The following AKT3 variants were observed in gnomAD, a reference collection of about 807,000 sequenced individuals.
The protein encoded by AKT3 is RAC-gamma serine/threonine-protein kinase.
Under a neutral mutation model 65.3 loss-of-function variants are expected in AKT3, and 15 were observed. The ratio of observed to expected loss-of-function variants is 0.23; its 90% CI spans 0.15 to 0.35. AKT3 has a LOEUF of 0.35. AKT3 is among the 10% of genes least tolerant of loss of function. The pLI is 1.00. For synonymous variants in AKT3, 206 were observed against 183.8 expected (o/e 1.12, Z -0.98); for missense variants, 243 against 576.5 (o/e 0.42, Z 5.92).
At chr1:243,842,349 C>G (rs562618683) in intron 2 of AKT3, among the ~76,000 whole-genome samples, 1 of 152,144 alleles carries the variant, frequency 6.6e-6, no homozygotes, top group African/African-American at 2.4e-5. Flanking sequence ...TCATCCTACT[C>G]GACGTGGCCA....
intron 2 of AKT3, among the ~76,000 whole-genome samples, chr1:243,718,794 A>G (rs1318036933): frequency 6.6e-6 from 1 of 152,168 alleles, no homozygotes. Flanking sequence ...TATGAAGAGT[A>G]AATGCTAGCA....
chr1:243,664,622 T>C (rs980376474), intron 4 of AKT3, 150 bp downstream of exon 4: 1 of 285,314 alleles, frequency 3.5e-6, no homozygotes, highest in African/African-American at 2.2e-5. Context: ...GCCACTGTTA[T>C]TCATGTATTA....
chr1:243,726,427 G>A (rs1687214041), intron 2 of AKT3, among the ~76,000 whole-genome samples: 1 of 152,150 alleles, frequency 6.6e-6, no homozygotes, highest in Non-Finnish European at 1.5e-5. Context: ...CCTATAAAGT[G>A]AACTCAATTA....
chr1:243,779,133 TAAC>T (rs1310162137), intron 2 of AKT3, among the ~76,000 whole-genome samples: 2 of 152,148 alleles, frequency 1.3e-5, no homozygotes, highest in Non-Finnish European at 2.9e-5. Flanking sequence ...AGAAAAATGT[TAAC>T]AAACTTTTTG....
At chr1:243,713,659 C>T (rs911607036) in intron 2 of AKT3, among the ~76,000 whole-genome samples, 1 of 150,836 alleles carries the variant, frequency 6.6e-6, no homozygotes, top group Non-Finnish European at 1.5e-5. Flanking sequence ...CATCCTACCC[C>T]CCTAAACAGA....
intron 5 of AKT3, among the ~76,000 whole-genome samples, chr1:243,644,337 A>G (rs1331093682): frequency 6.6e-6 from 1 of 152,158 alleles, no homozygotes; most frequent in African/African-American, 2.4e-5. Context: ...AAATTCTTGA[A>G]AAAACCAGTA....
chr1:243,696,056 A>C (rs1288391349), intron 2 of AKT3, among the ~76,000 whole-genome samples: 2 of 151,874 alleles, frequency 1.3e-5, no homozygotes, highest in South Asian at 4.2e-4. Context: ...AGCCTTGGTA[A>C]ATCATCCACA....
rs190191398 is a variant in AKT3 at position 243,595,498 on chromosome 1, T to A, written c.696+18173A>T. On this transcript the variant is annotated intron_variant, in intron 8 of 13. Coordinates refer to ENST00000673466, the MANE Select transcript of AKT3 (RefSeq NM_005465.7). ...TATAACTTTTTCACTTTATACACTT[T>A]AAAATTTTTAAAAACGCCTTGACTC... is the stretch of plus-strand genomic sequence containing the variant. Among the ~76,000 whole-genome samples, 276 of 152,326 alleles carry A rather than the reference T, an allele frequency of 1.8e-3. 1 individual carries two copies. The highest frequency in any genetic ancestry group is 2.5e-3 in the Non-Finnish European group (172 of 68,024).
intron 2 of AKT3, among the ~76,000 whole-genome samples, chr1:243,823,338 G>A (rs994207771): frequency 2.6e-5 from 4 of 152,122 alleles, no homozygotes; most frequent in Admixed American, 6.5e-5. Context: ...GGCAAAAGCT[G>A]GAAACATTTC....
intron 2 of AKT3, among the ~76,000 whole-genome samples, chr1:243,723,276 C>T (rs537992735): frequency 6.6e-6 from 1 of 152,226 alleles, no homozygotes; most frequent in South Asian, 2.1e-4. Flanking sequence ...CTGAATTCAT[C>T]ACTATTCATA....
rs566252992 is a variant in AKT3 at position 243,837,932 on chromosome 1, G to C, written c.46+5193C>G. 2.6e-5 allele frequency among the ~76,000 whole-genome samples: 4 copies of C among 152,264 alleles called. No individual in the cohort carries two copies. The South Asian group carries it at 8.3e-4, about 32-fold the overall frequency. On this transcript the variant is annotated intron_variant, in intron 2 of 13. Transcript: ENST00000673466. ...AAATCAGAGGCATAAAGATTGGAAA[G>C]GAAAAAGCAGAACTGTGGATGTTCG...
chr1:243,721,197 G>C (rs1052678985), intron 2 of AKT3, among the ~76,000 whole-genome samples: 1 of 152,130 alleles, frequency 6.6e-6, no homozygotes, highest in Admixed American at 6.5e-5. Flanking sequence ...GGCCTAGACA[G>C]AAATTCTGTC....
chr1:243,742,785 T>C (rs1159317442), intron 2 of AKT3, among the ~76,000 whole-genome samples: 1 of 152,104 alleles, frequency 6.6e-6, no homozygotes, highest in South Asian at 2.1e-4. Flanking sequence ...ACCCTAGTCT[T>C]TTTTAAAAGC....
chr1:243,514,198 G>C (rs1357124083), intron 12 of AKT3, among the ~76,000 whole-genome samples: 1 of 152,058 alleles, frequency 6.6e-6, no homozygotes, highest in Non-Finnish European at 1.5e-5. Context: ...CTTCTCTTGG[G>C]CACTAGGAGT....
chr1:243,503,224 G>A lies in AKT3; in HGVS notation c.*2025C>T, dbSNP rs1343191990. 6.8e-5 allele frequency: 16 copies of A among 233,584 alleles called. No individual in the cohort carries two copies. The highest frequency in any genetic ancestry group is 1.3e-4 in the Non-Finnish European group (15 of 118,050). 14.5% of individuals were successfully genotyped at this position (233,584 alleles called of 1,614,324 possible). A position where few individuals can be genotyped will look rare whatever the true frequency, so the allele number is the denominator to read the frequency against. ...TATGAAAAAGAAGGATAACGTTGAT[G>A]TCTGAATATGTCTTAGCTGCCTTAG... On this transcript the variant is annotated 3_prime_UTR_variant, in exon 14 of 14. Transcript: ENST00000673466.
At chr1:243,556,715 A>C (rs961683441) in intron 10 of AKT3, among the ~76,000 whole-genome samples, 2 of 152,196 alleles carry the variant, frequency 1.3e-5, no homozygotes, top group African/African-American at 4.8e-5. Flanking sequence ...GGTAACTGAT[A>C]GATGTGTGTT....
intron 3 of AKT3, among the ~76,000 whole-genome samples, chr1:243,694,201 C>G (rs1441735956): frequency 6.6e-6 from 1 of 152,064 alleles, no homozygotes; most frequent in East Asian, 1.9e-4. Context: ...AATGGATAAA[C>G]TAAAAAGCTA....
chr1:243,488,976 G>A, intron 13 of AKT3: 2 of 1,612,958 alleles, frequency 1.2e-6, no homozygotes, highest in Non-Finnish European at 1.7e-6. Context: ...AAAGGCTGAC[G>A]TTATCCCTCT....
chr1:243,798,406 T>G (rs1692173166), intron 2 of AKT3, among the ~76,000 whole-genome samples: 1 of 136,336 alleles, frequency 7.3e-6, no homozygotes, highest in Non-Finnish European at 1.6e-5. Context: ...TTTTTTTTTT[T>G]TTTTTTTTTT....
Sources: allele counts gnomAD v4.1 joint callset (sites outside exome capture counted in the v4.1 genomes callset), GRCh38; gene constraint gnomAD v4.1.1; transcripts MANE v1.5; gene names NCBI Gene and HGNC (gene_info 2026-07-23, HGNC 2026-07-21).